Variants in POMT2 observed in about 807,000 individuals in gnomAD.
POMT2 encodes protein O-mannosyl-transferase 2.
Under a neutral mutation model 100.0 loss-of-function variants are expected in POMT2, and 75 were observed. The ratio of observed to expected loss-of-function variants is 0.75; its 90% CI spans 0.62 to 0.91. The LOEUF (loss-of-function observed/expected upper bound fraction) is 0.91. Ranked by LOEUF, POMT2 falls within the 40% of genes least tolerant of loss-of-function variation. POMT2 has a pLI of 0.00. For synonymous variants in POMT2, 378 were observed against 374.1 expected (o/e 1.01, Z -0.12); for missense variants, 940 against 955.1 (o/e 0.98, Z 0.21).
At position 77,320,752 on chromosome 14, in the gene POMT2, T is replaced by A. The variant is rs1466706932; in HGVS notation, c.-71A>T. The A allele has an allele frequency of 1.3e-6, 2 of 1,556,772 alleles. No individual in the cohort carries two copies. Among genetic ancestry groups the A allele is most frequent in the African/African-American group, 2.8e-5 (2 of 72,360 alleles). ...TCTGACCAGCCGCCCCGCCAAGGAG[T>A]CACAAGAGGGCAGCTCGGGGTACCC... On this transcript the variant is annotated 5_prime_UTR_variant, in exon 1 of 21. Coordinates refer to ENST00000261534, the MANE Select transcript of POMT2 (RefSeq NM_013382.7).
chr14:77,289,003 G>A (rs530172791), intron 10 of POMT2, among the ~76,000 whole-genome samples, 172 bp from the exon 11 acceptor site: 1 of 151,812 alleles, frequency 6.6e-6, no homozygotes, highest in South Asian at 2.1e-4. Flanking sequence ...ATTAGAGAAG[G>A]GTGTCCCAGA....
Position 77,276,240 on chromosome 14 carries a change from G to A in POMT2, c.*1136C>T, listed in dbSNP as rs900644797. On this transcript the variant is annotated 3_prime_UTR_variant, in exon 21 of 21. Coordinates refer to ENST00000261534, the MANE Select transcript of POMT2 (RefSeq NM_013382.7). The stretch of plus-strand genomic sequence containing the variant: ...TTGTTTGAGCTGCAGAGTGGTAGAC[G>A]CAGGAAGCTGGCATGCATTTCTAGG... 2.0e-5 allele frequency: 3 copies of A among 152,594 alleles called. No individual in the cohort carries two copies. Among genetic ancestry groups the A allele is most frequent in the Admixed American group, 6.5e-5 (1 of 15,280 alleles). The allele number at this position is 152,594 out of a possible 1,614,324, so 9.5% of individuals were successfully genotyped here.
chr14:77,312,076 C>T (rs1466829119), intron 1 of POMT2, 43 bp from the exon 2 acceptor site: 2 of 1,603,902 alleles, frequency 1.2e-6, no homozygotes, highest in Admixed American at 1.7e-5. Context: ...TTAAAATTAT[C>T]ATAAAATCCA....
At chr14:77,317,661 G>C (rs1036854390) in intron 1 of POMT2, among the ~76,000 whole-genome samples, 2 of 152,182 alleles carry the variant, frequency 1.3e-5, no homozygotes, top group Non-Finnish European at 2.9e-5. Context: ...CTCAGAAATG[G>C]GTCATCTCCT....
intron 16 of POMT2, 32 bp downstream of exon 16, chr14:77,280,360 T>A: frequency 6.2e-7 from 1 of 1,613,934 alleles, no homozygotes; most frequent in Non-Finnish European, 8.5e-7. Context: ...TTGGCTCCAT[T>A]TCCTGGGAGG....
At chr14:77,287,765 C>T (rs1215654285) in intron 11 of POMT2, 1 of 152,080 alleles carries the variant, frequency 6.6e-6, no homozygotes, top group Non-Finnish European at 1.5e-5. Flanking sequence ...CGACTTTCCC[C>T]AAAGAGGGCT....
intron 4 of POMT2, 98 bp from the exon 5 acceptor site, chr14:77,303,041 TA>T (rs1791408424): frequency 1.1e-6 from 1 of 877,008 alleles, no homozygotes; most frequent in Non-Finnish European, 1.9e-6. Flanking sequence ...TCTTGCCACT[TA>T]ATTGAGTGTA....
rs747147327 is a variant in POMT2, at chr14:77,298,714, G to A, written c.981C>T (p.Asn327=). The A allele has an allele frequency of 1.9e-6, 3 of 1,613,824 alleles. No individual in the cohort carries two copies. Among genetic ancestry groups the A allele is most frequent in the Non-Finnish European group, 2.5e-6 (3 of 1,179,894 alleles). ...SAFQARLSGN[N]LHNASIPEHL... ...GTTCAGGGATGGAAGCATTGTGCAG[G>A]TTGTTCCCTGAAAGCCGGGCCTGGA... is the stretch of plus-strand genomic sequence containing the variant. Residue 327 remains asparagine (N), a synonymous_variant, in exon 8 of 21, where the codon AAC becomes AAT. Coordinates refer to ENST00000261534, the MANE Select transcript of POMT2 (RefSeq NM_013382.7).
intron 10 of POMT2, among the ~76,000 whole-genome samples, chr14:77,289,971 C>G (rs1006527883): frequency 1.3e-5 from 2 of 152,138 alleles, no homozygotes; most frequent in African/African-American, 4.8e-5. Context: ...AATCAGAGAA[C>G]TCAACCGCAG....
intron 8 of POMT2, 41 bp from the exon 9 acceptor site, chr14:77,296,314 T>C (rs772711053): frequency 1.4e-6 from 2 of 1,405,670 alleles, no homozygotes; most frequent in South Asian, 1.2e-5. Flanking sequence ...GCTGGCACAG[T>C]GCCAGAGGCT....
At chr14:77,297,886 A>G (rs1340856276) in intron 8 of POMT2, among the ~76,000 whole-genome samples, 1 of 151,956 alleles carries the variant, frequency 6.6e-6, no homozygotes, top group East Asian at 1.9e-4. Context: ...TCATCTCCCT[A>G]TAGCACAGCC....
Position 77,277,452 on chromosome 14 carries a change from C to T in POMT2, c.2177G>A (p.Gly726Glu), listed in dbSNP as rs267606969. ...GTCCTGGGCCAGGGGACCAACCATC[C>T]CGTAAGCCAGAGGGTGGAAGAGGTA... is the stretch of plus-strand genomic sequence containing the variant. Reference protein sequence around the residue: ...SFYLFHPLAYGMVGPLAQDPQ... With the variant: ...SFYLFHPLAYEMVGPLAQDPQ... Residue 726 changes from glycine (G) to glutamate (E), a missense_variant, in exon 21 of 21, where the codon GGG becomes GAG. Physicochemically the swap from Gly to Glu is moderately conservative, Grantham distance 98 (BLOSUM62 -2). Transcript: ENST00000261534. 2 of 1,613,974 alleles carry T rather than the reference C, an allele frequency of 1.2e-6. No homozygotes were observed. The highest frequency in any genetic ancestry group is 1.1e-5 in the South Asian group (1 of 91,074).
intron 13 of POMT2, 75 bp downstream of exon 13, chr14:77,285,406 C>T (rs1032473790): frequency 1.3e-5 from 21 of 1,583,076 alleles, no homozygotes; most frequent in Non-Finnish European, 1.8e-5. Context: ...AAAACAAAAG[C>T]TTCTGGCATA....
At chr14:77,281,776 T>C (rs1370274965) in intron 15 of POMT2, among the ~76,000 whole-genome samples, 1 of 152,122 alleles carries the variant, frequency 6.6e-6, no homozygotes, top group East Asian at 1.9e-4. Context: ...CCCGTAGCAC[T>C]CCTACCCTCA....
chr14:77,305,716 G>C (rs960997125), intron 3 of POMT2, among the ~76,000 whole-genome samples: 3 of 152,224 alleles, frequency 2.0e-5, no homozygotes, highest in Admixed American at 1.3e-4. Flanking sequence ...TCAGCCACAC[G>C]TTCAAGGTTC....
chr14:77,278,890 C>T, intron 18 of POMT2, 21 bp from the exon 19 acceptor site: 1 of 1,611,428 alleles, frequency 6.2e-7, no homozygotes, highest in South Asian at 1.1e-5. Flanking sequence ...GCAGCACAGC[C>T]CAGTCAGAAG....
At chr14:77,286,980 C>A in intron 11 of POMT2, 158 bp from the exon 12 acceptor site, 1 of 1,424,478 alleles carries the variant, frequency 7.0e-7, no homozygotes, top group African/African-American at 1.4e-5. Context: ...CCTATTTACT[C>A]ACAAGAAATA....
At chr14:77,304,148 C>A (rs907674523) in intron 4 of POMT2, among the ~76,000 whole-genome samples, 1 of 152,198 alleles carries the variant, frequency 6.6e-6, no homozygotes, top group African/African-American at 2.4e-5. Flanking sequence ...AAATGTTAAG[C>A]TCCACAAGGT....
chr14:77,314,567 G>A (rs1891561405), intron 1 of POMT2, among the ~76,000 whole-genome samples: 1 of 152,176 alleles, frequency 6.6e-6, no homozygotes, highest in African/African-American at 2.4e-5. Flanking sequence ...AAAGAATGAG[G>A]GCCTCCATGG....
Sources: gnomAD v4.1 joint callset for allele counts (sites outside exome capture counted in the v4.1 genomes callset) on GRCh38, gnomAD v4.1.1 for gene constraint, MANE v1.5 for transcripts, NCBI Gene and HGNC (gene_info 2026-07-23, HGNC 2026-07-21) for gene names.